The following ALKAL2 variants were observed in gnomAD, a reference collection of about 807,000 sequenced individuals.
ALKAL2 encodes the protein AUG-alpha.
ALKAL2 carries 8 observed loss-of-function variants against 18.5 expected under a neutral mutation model. The ratio of observed to expected loss-of-function variants is 0.43; its 90% confidence interval spans 0.25 to 0.78. The LOEUF (loss-of-function observed/expected upper bound fraction) is 0.78. Among genes scored for constraint, ALKAL2 ranks in the 30% least tolerant of loss-of-function variants. The probability of loss-of-function intolerance (pLI) is 0.22; values close to 1 mark genes in which losing one functional copy is unlikely to be tolerated. For synonymous variants in ALKAL2, 135 were observed against 95.8 expected, an observed-to-expected ratio of 1.41 and a Z score of -2.39; for missense variants, 241 against 211.2, an observed-to-expected ratio of 1.14 and a Z score of -0.88.
intron 2 of ALKAL2, 128 bp downstream of exon 2, chr2:287,448 TAAAAAAA>T (rs67240058): frequency 2.7e-4 from 118 of 440,886 alleles, no homozygotes; most frequent in Middle Eastern, 1.2e-3. Flanking sequence ...TTCTTTTTCT[TAAAAAAA>T]AAAAAAAAAA....
In ALKAL2 at chr2:286,198, G is replaced by C. The variant is rs777738466; in HGVS notation, c.313C>G (p.Leu105Val). The change falls in exon 4 of 6, where the codon CTT becomes GTT. Residue 105 changes from leucine to valine, a missense_variant. Coordinates refer to ENST00000403610, the MANE Select transcript of ALKAL2 (RefSeq NM_001002919.3). ...DKFLKHLTGP[L>V]YFSPKCSKHF... ...TTGCTGCACTTTGGACTAAAATAAA[G>C]AGGGCCTGGAACACGGAAGAAGAAA... The C allele has an allele frequency of 6.2e-7, 1 of 1,613,918 alleles. No homozygotes were observed. Among genetic ancestry groups the C allele is most frequent in the Non-Finnish European group, 8.5e-7 (1 of 1,179,804 alleles).
chr2:282,379 G>A (rs1161382956), intron 5 of ALKAL2, among the ~76,000 whole-genome samples: 1 of 152,240 alleles, frequency 6.6e-6, no homozygotes, highest in Non-Finnish European at 1.5e-5. Context: ...TTGTGCTGGT[G>A]TAGCCAGCAT....
Position 279,939 on chromosome 2 carries a change from CAG to C in ALKAL2, c.*206_*207del, listed in dbSNP as rs1670282073. On this transcript the variant is annotated 3_prime_UTR_variant, in exon 6 of 6. Coordinates refer to ENST00000403610, the MANE Select transcript of ALKAL2 (RefSeq NM_001002919.3). ...TTGTGTTTTTTTTTTAAATAAGTGACAGATAACACTGTCAAGTACACTGATTT... is the reference window on the plus strand; with the variant it reads ...TTGTGTTTTTTTTTTAAATAAGTGACATAACACTGTCAAGTACACTGATTT... 1.5e-5 allele frequency: 8 copies of C among 517,872 alleles called. No individual in the cohort carries two copies. The East Asian group carries it at 2.0e-4, about 13-fold the overall frequency. 32.1% of individuals were successfully genotyped at this position (517,872 alleles called of 1,614,324 possible).
chr2:283,323 G>A (rs1352311688), intron 4 of ALKAL2, 148 bp from the exon 5 acceptor site: 1 of 1,436,120 alleles, frequency 7.0e-7, no homozygotes, highest in Non-Finnish European at 9.1e-7. Flanking sequence ...CTGCAGGCAT[G>A]CATTCTAAGT....
intron 4 of ALKAL2, among the ~76,000 whole-genome samples, chr2:284,977 G>A (rs1670460224): frequency 6.6e-6 from 1 of 152,154 alleles, no homozygotes; most frequent in Non-Finnish European, 1.5e-5. Context: ...TGGAAGGGTG[G>A]GGCCCAGCAC....
At chr2:287,469 AAGGAAT>A in intron 2 of ALKAL2, 108 bp downstream of exon 2, 1 of 545,106 alleles carries the variant, frequency 1.8e-6, no homozygotes, top group Non-Finnish European at 2.7e-6. Context: ...AAAAAAAAAA[AAGGAAT>A]CCTGCTGTTC....
At chr2:281,364 T>G (rs1370822870) in intron 5 of ALKAL2, among the ~76,000 whole-genome samples, 1 of 152,194 alleles carries the variant, frequency 6.6e-6, no homozygotes, top group Non-Finnish European at 1.5e-5. Context: ...GGACAGAAGC[T>G]TGCGAGCCTG....
Position 288,075 on chromosome 2 carries a change from C to G in ALKAL2, c.-120G>C. ...AGCCGCGGTCTCCTCGACGATCACGCCCGAGGTCCCGCCCACGGGGAGCGA... is the reference window on the plus strand; with the variant it reads ...AGCCGCGGTCTCCTCGACGATCACGGCCGAGGTCCCGCCCACGGGGAGCGA... On this transcript the variant is annotated 5_prime_UTR_variant, in exon 1 of 6. Transcript: ENST00000403610. 1 of 1,196,606 alleles carries G rather than the reference C, an allele frequency of 8.4e-7. No homozygotes were observed. Among genetic ancestry groups the G allele is most frequent in the South Asian group, 4.2e-5 (1 of 23,644 alleles). 74.1% of individuals were successfully genotyped at this position (1,196,606 alleles called of 1,614,324 possible).
chr2:287,197 A>C (rs1357000467), intron 2 of ALKAL2: 2 of 176,206 alleles, frequency 1.1e-5, no homozygotes, highest in Admixed American at 6.3e-5. Context: ...TCACAAAAGC[A>C]TTAGACGCTT....
In ALKAL2 at chr2:287,802, G is replaced by A. The variant is rs1670578491; in HGVS notation, c.34C>T (p.Leu12=). 1.9e-5 allele frequency: 26 copies of A among 1,352,768 alleles called. No individual in the cohort carries two copies. Among genetic ancestry groups the A allele is most frequent in the Non-Finnish European group, 2.5e-5 (26 of 1,060,524 alleles). The allele number at this position is 1,352,768 out of a possible 1,614,324, so 83.8% of individuals were successfully genotyped here. A position where few individuals can be genotyped will look rare whatever the true frequency, so the allele number is the denominator to read the frequency against. The change falls in exon 2 of 6, where the codon CTG becomes TTG. Residue 12 remains leucine, a synonymous_variant. Coordinates refer to ENST00000403610, the MANE Select transcript of ALKAL2 (RefSeq NM_001002919.3). ...CCCGCCGCCCCCAGCACCAGCAGCA[G>A]CCCCAGGAGGAGGGGGTGCCCGGGT... The part of the protein sequence containing the change: ...RGPGHPLLLG[L]LLVLGAAGRG...
At position 283,229 on chromosome 2, in the gene ALKAL2, G is replaced by A. The variant is rs543604426; in HGVS notation, c.389-54C>T. On this transcript the variant is annotated intron_variant, in intron 4 of 5. Coordinates refer to ENST00000403610, the MANE Select transcript of ALKAL2 (RefSeq NM_001002919.3). ...CAGTTACTTAAAAAACAAATAAATC[G>A]CATTTTTTTGCAAGTATATCAGCTA... 2,759 of 1,416,482 alleles carry A rather than the reference G, an allele frequency of 1.9e-3. 78 individuals are homozygous for A. The East Asian group carries it at 0.057, about 29-fold the overall frequency. The allele number at this position is 1,416,482 out of a possible 1,614,324, so 87.7% of individuals were successfully genotyped here. A position where few individuals can be genotyped will look rare whatever the true frequency, so the allele number is the denominator to read the frequency against.
intron 5 of ALKAL2, among the ~76,000 whole-genome samples, chr2:281,672 T>G (rs1225237494): frequency 1.3e-5 from 2 of 152,216 alleles, no homozygotes; most frequent in African/African-American, 2.4e-5. Context: ...ACGGAGTAGC[T>G]CTTCCAGTGG....
chr2:284,542 A>G (rs1670445214), intron 4 of ALKAL2, among the ~76,000 whole-genome samples: 2 of 152,224 alleles, frequency 1.3e-5, no homozygotes, highest in African/African-American at 4.8e-5. Flanking sequence ...ATCTCAAGGC[A>G]CAGATCTCTC....
chr2:281,921 T>C (rs1286342803), intron 5 of ALKAL2, among the ~76,000 whole-genome samples: 3 of 152,136 alleles, frequency 2.0e-5, no homozygotes, highest in Non-Finnish European at 2.9e-5. Context: ...CTCGAGAGAA[T>C]TGGAAAGAGC....
intron 2 of ALKAL2, 125 bp from the exon 3 acceptor site, chr2:286,468 A>C (rs868658665): frequency 1.3e-5 from 9 of 669,778 alleles, no homozygotes; most frequent in Middle Eastern, 4.1e-4. Context: ...CAAAATAAAA[A>C]AGACTGGGGC....
rs536235587 is a variant in ALKAL2 at position 286,251 on chromosome 2, GGA to G, written c.307+37_307+38del. ...GATCATGAAGACTCACAGGTGAAAA[GGA>G]GCTCTGGGAGACGTGAGGAACGAGG... On this transcript the variant is annotated intron_variant, in intron 3 of 5. Coordinates refer to ENST00000403610, the MANE Select transcript of ALKAL2 (RefSeq NM_001002919.3). 2.0e-4 allele frequency: 327 copies of G among 1,610,516 alleles called. 2 individuals carry two copies. In the South Asian group the frequency reaches 3.4e-3, roughly 17 times the overall value.
At chr2:284,322 A>G (rs1670438149) in intron 4 of ALKAL2, among the ~76,000 whole-genome samples, 1 of 152,214 alleles carries the variant, frequency 6.6e-6, no homozygotes, top group Non-Finnish European at 1.5e-5. Context: ...ATTTTGTTCA[A>G]CAAGTCTAGA....
chr2:284,056 G>A (rs1256941049), intron 4 of ALKAL2, among the ~76,000 whole-genome samples: 1 of 152,170 alleles, frequency 6.6e-6, no homozygotes. Context: ...CAGTGGCACT[G>A]GGTCATCTGA....
chr2:286,058 G>C, intron 4 of ALKAL2, 65 bp downstream of exon 4: 1 of 1,414,422 alleles, frequency 7.1e-7, no homozygotes, highest in Non-Finnish European at 9.9e-7. Flanking sequence ...ATGAGGAAAT[G>C]GAAAGAGGGG....
Sources: allele counts gnomAD v4.1 joint callset (sites outside exome capture counted in the v4.1 genomes callset), GRCh38; gene constraint gnomAD v4.1.1; transcripts MANE v1.5; gene names NCBI Gene and HGNC (gene_info 2026-07-23, HGNC 2026-07-21).